WWOX: variants seen among roughly 807,000 people sequenced by gnomAD.
WWOX encodes the protein WW domain-containing oxidoreductase.
In WWOX, 69 loss-of-function variants were observed where a neutral mutation model predicts 46.2. The ratio of observed to expected loss-of-function variants is 1.49; its 90% CI spans 1.23 to 1.82. The LOEUF (loss-of-function observed/expected upper bound fraction) is 1.82. Among genes scored for constraint, WWOX ranks in the 40% most tolerant of loss-of-function variants. The pLI is 0.00. For missense variants in WWOX, 919 were observed against 542.6 expected (o/e 1.69, Z -6.89); for synonymous variants, 359 against 202.6 (o/e 1.77, Z -6.56).
At chr16:78,939,977 A>G (rs964994754) in intron 8 of WWOX, among the ~76,000 whole-genome samples, 1 of 152,228 alleles carries the variant, frequency 6.6e-6, no homozygotes, top group Non-Finnish European at 1.5e-5. Context: ...ACCATAAACT[A>G]CATAACTGGA....
chr16:78,509,212 G>A lies in WWOX; in HGVS notation c.1056+76460G>A, dbSNP rs187383268. On this transcript the variant is annotated intron_variant, in intron 8 of 8. Transcript: ENST00000566780. ...CCAGCCCTTTGGGAGGCCAAGGCAG[G>A]CAGATCACCTGAGGTCAGAAATTCA... Among the ~76,000 whole-genome samples, 264 of 152,306 alleles carry A rather than the reference G, an allele frequency of 1.7e-3. 2 individuals are homozygous for A. The highest frequency in any genetic ancestry group is 3.6e-3 in the Admixed American group (55 of 15,296).
At chr16:78,608,503 A>T (rs1597341620) in intron 8 of WWOX, among the ~76,000 whole-genome samples, 1 of 152,234 alleles carries the variant, frequency 6.6e-6, no homozygotes. Context: ...CAGCAGGGAA[A>T]CCGGAGTTCT....
intron 8 of WWOX, among the ~76,000 whole-genome samples, chr16:79,113,674 G>A (rs1340653234): frequency 1.3e-5 from 2 of 152,186 alleles, no homozygotes; most frequent in African/African-American, 2.4e-5. Context: ...CTCTCAGCAG[G>A]GTGACCTGGA....
intron 8 of WWOX, among the ~76,000 whole-genome samples, chr16:78,465,847 T>A (rs928723376): frequency 1.3e-5 from 2 of 152,150 alleles, no homozygotes; most frequent in African/African-American, 2.4e-5. Flanking sequence ...CTGTTGGGCT[T>A]GACTTATTTT....
chr16:78,947,066 T>TC (rs1555574586), intron 8 of WWOX, among the ~76,000 whole-genome samples: 1 of 146,218 alleles, frequency 6.8e-6, no homozygotes, highest in Non-Finnish European at 1.5e-5. Flanking sequence ...TTTCTTTTTT[T>TC]AAAAAAAAGC....
chr16:78,251,286 A>G (rs142379252), intron 5 of WWOX, among the ~76,000 whole-genome samples: 51 of 152,282 alleles, frequency 3.3e-4, no homozygotes, highest in Admixed American at 1.1e-3. Context: ...GTATGTTCTT[A>G]TATGCCCTGG....
chr16:78,962,725 C>G (rs1488081257), intron 8 of WWOX, among the ~76,000 whole-genome samples: 2 of 152,156 alleles, frequency 1.3e-5, no homozygotes, highest in East Asian at 1.9e-4. Flanking sequence ...ATTTATACAA[C>G]TGTGTAAACA....
chr16:78,336,113 A>C (rs973334019), intron 5 of WWOX, among the ~76,000 whole-genome samples: 3 of 151,902 alleles, frequency 2.0e-5, no homozygotes, highest in Non-Finnish European at 4.4e-5. Flanking sequence ...AACAAAAAAA[A>C]CCAAAAGACT....
chr16:79,155,689 G>C (rs1429110408), intron 8 of WWOX, among the ~76,000 whole-genome samples: 1 of 152,128 alleles, frequency 6.6e-6, no homozygotes, highest in Non-Finnish European at 1.5e-5. Flanking sequence ...GTTATAGGAG[G>C]TCAGGGAGGG....
At chr16:79,167,706 C>G (rs1453562341) in intron 8 of WWOX, among the ~76,000 whole-genome samples, 1 of 152,196 alleles carries the variant, frequency 6.6e-6, no homozygotes, top group Non-Finnish European at 1.5e-5. Flanking sequence ...CCCTTGTATC[C>G]TTGTTTTGTT....
chr16:78,616,616 A>T (rs760095421), intron 8 of WWOX, among the ~76,000 whole-genome samples: 13 of 151,512 alleles, frequency 8.6e-5, no homozygotes, highest in Non-Finnish European at 1.5e-4. Context: ...CTAAAACTAA[A>T]AACTTAGCCA....
intron 8 of WWOX, among the ~76,000 whole-genome samples, chr16:79,186,653 C>T (rs2051021549): frequency 1.3e-5 from 2 of 152,216 alleles, no homozygotes; most frequent in East Asian, 3.9e-4. Flanking sequence ...TTCTTCGGGA[C>T]ATGATTCAAC....
intron 8 of WWOX, among the ~76,000 whole-genome samples, chr16:78,778,289 T>C (rs2050241678): frequency 6.6e-6 from 1 of 152,096 alleles, no homozygotes; most frequent in Admixed American, 6.6e-5. Context: ...TGGTGATTGG[T>C]AACCACTGAT....
At chr16:79,057,068 A>T (rs1246361289) in intron 8 of WWOX, among the ~76,000 whole-genome samples, 1 of 152,238 alleles carries the variant, frequency 6.6e-6, no homozygotes, top group Non-Finnish European at 1.5e-5. Context: ...TTTTGCCGCC[A>T]TGGGCCTGAA....
chr16:78,940,038 C>A (rs189281872), intron 8 of WWOX, among the ~76,000 whole-genome samples: 1 of 152,158 alleles, frequency 6.6e-6, no homozygotes, highest in African/African-American at 2.4e-5. Context: ...CCTGAAGCTT[C>A]TAAAAATAAA....
intron 8 of WWOX, among the ~76,000 whole-genome samples, chr16:78,827,122 C>T (rs897600580): frequency 6.6e-6 from 1 of 152,132 alleles, no homozygotes. Flanking sequence ...TCCAGGATGC[C>T]TTTCTGTGGG....
intron 8 of WWOX, among the ~76,000 whole-genome samples, chr16:78,666,247 C>T (rs2047330671): frequency 6.6e-6 from 1 of 152,006 alleles, no homozygotes; most frequent in Non-Finnish European, 1.5e-5. Context: ...TGTGATCCTG[C>T]CACTGCACTC....
In WWOX at chr16:78,341,427, C is replaced by T. The variant is rs1359964245; in HGVS notation, c.517-45433C>T. Reference sequence around the variant, plus strand: ...TTAAAAAATCAATATGTATAATCCACCATCTTTGTTCCTTTTATTTTTATG... The same window carrying T: ...TTAAAAAATCAATATGTATAATCCATCATCTTTGTTCCTTTTATTTTTATG... On this transcript the variant is annotated intron_variant, in intron 5 of 8. Coordinates refer to ENST00000566780, the MANE Select transcript of WWOX (RefSeq NM_016373.4). 2.5e-5 allele frequency among the ~76,000 whole-genome samples: 3 copies of T among 121,394 alleles called. 1 individual carries two copies. Among genetic ancestry groups the T allele is most frequent in the Non-Finnish European group, 3.9e-5 (2 of 50,772 alleles). The allele number at this position is 121,394 out of a possible 152,430, so 79.6% of individuals were successfully genotyped here.
intron 8 of WWOX, among the ~76,000 whole-genome samples, chr16:78,590,453 G>A (rs17640484): frequency 0.049 from 7,459 of 152,268 alleles, 259 homozygotes; most frequent in South Asian, 0.17. Context: ...TATTATTTGA[G>A]CTGCTCACTG....
Sources: allele counts gnomAD v4.1 joint callset (sites outside exome capture counted in the v4.1 genomes callset), GRCh38; gene constraint gnomAD v4.1.1; transcripts MANE v1.5; gene names NCBI Gene and HGNC (gene_info 2026-07-23, HGNC 2026-07-21).